The following RCSD1 variants were observed in gnomAD, a reference collection of about 807,000 sequenced individuals.
The protein encoded by RCSD1 is capZ-interacting protein.
RCSD1 carries 26 observed loss-of-function variants against 42.5 expected under a neutral mutation model. The observed-to-expected ratio is 0.61, with a 90% CI of 0.45 to 0.85. The LOEUF is 0.85. Among genes scored for constraint, RCSD1 ranks in the 40% least tolerant of loss-of-function variants. The probability of loss-of-function intolerance (pLI) is 0.00; values close to 1 mark genes in which losing one functional copy is unlikely to be tolerated. For synonymous variants in RCSD1, 220 were observed against 212.2 expected (o/e 1.04, Z -0.32); for missense variants, 571 against 528.3 (o/e 1.08, Z -0.79).
chr1:167,630,492 C>G, intron 1 of RCSD1, 63 bp downstream of exon 1: 1 of 1,473,508 alleles, frequency 6.8e-7, no homozygotes, highest in East Asian at 2.7e-5. Flanking sequence ...CGCCCCTTCC[C>G]CGGGCGGCTG....
intron 1 of RCSD1, among the ~76,000 whole-genome samples, chr1:167,680,427 G>A (rs1659052492): frequency 6.6e-6 from 1 of 151,746 alleles, no homozygotes. Flanking sequence ...GGAGGAGGAA[G>A]AAACCAACCT....
At chr1:167,684,034 G>C (rs1201482958) in intron 2 of RCSD1, 33 bp downstream of exon 2, 9 of 1,554,226 alleles carry the variant, frequency 5.8e-6, no homozygotes, top group Non-Finnish European at 8.0e-6. Context: ...AGCCTCTTCA[G>C]CAGCGGGCAG....
intron 1 of RCSD1, among the ~76,000 whole-genome samples, chr1:167,678,435 C>G (rs1277681065): frequency 6.6e-6 from 1 of 150,430 alleles, no homozygotes; most frequent in African/African-American, 2.5e-5. Context: ...GCAAATACCC[C>G]ATGCATCCCG....
At position 167,697,084 on chromosome 1, in the gene RCSD1, A is replaced by G; in HGVS notation, c.475-15A>G. On this transcript the variant is annotated splice_polypyrimidine_tract_variant and intron_variant, in intron 5 of 6. Transcript: ENST00000367854. ...TATGAGTTTTTGGATAACTTTCCTTAACACTTTCTTCTAGGTGCGGACGAG... is the reference window on the plus strand; with the variant it reads ...TATGAGTTTTTGGATAACTTTCCTTGACACTTTCTTCTAGGTGCGGACGAG... The G allele has an allele frequency of 6.3e-7, 1 of 1,598,734 alleles. No individual in the cohort carries two copies. Among genetic ancestry groups the G allele is most frequent in the Non-Finnish European group, 8.5e-7 (1 of 1,173,150 alleles).
intron 6 of RCSD1, among the ~76,000 whole-genome samples, chr1:167,698,056 T>C (rs1659545348): frequency 6.6e-6 from 1 of 152,218 alleles, no homozygotes; most frequent in Non-Finnish European, 1.5e-5. Flanking sequence ...TCTTCTGCTC[T>C]TGCCAACTTC....
rs775199207 is a variant in RCSD1 at position 167,690,045 on chromosome 1, A to G, written c.199-4A>G. The G allele has an allele frequency of 1.2e-6, 2 of 1,614,074 alleles. No homozygotes were observed. The highest frequency in any genetic ancestry group is 1.1e-5 in the South Asian group (1 of 91,078). ...CTGGTTGTTTTGGTTGATTTGCTCCATAGAAATCACCACCCAATGCGAGCC... is the reference window on the plus strand; with the variant it reads ...CTGGTTGTTTTGGTTGATTTGCTCCGTAGAAATCACCACCCAATGCGAGCC... On this transcript the variant is annotated splice_region_variant and splice_polypyrimidine_tract_variant and intron_variant, in intron 3 of 6. Transcript: ENST00000367854.
Position 167,697,581 on chromosome 1 carries a change from G to T in RCSD1, c.957G>T (p.Gly319=). The change falls in exon 6 of 7, where the codon GGG becomes GGT. Residue 319 remains glycine, a synonymous_variant. Transcript: ENST00000367854. The part of the protein sequence containing the change: ...AEMEKATEVK[G]ERVQNEEVGP... ...TGGAAAAGGCTACAGAGGTGAAGGGGGAGAGGGTGCAAAATGAAGAGGTGG... is the reference window on the plus strand; with the variant it reads ...TGGAAAAGGCTACAGAGGTGAAGGGTGAGAGGGTGCAAAATGAAGAGGTGG... 1 of 1,608,124 alleles carries T rather than the reference G, an allele frequency of 6.2e-7. No homozygotes were observed. Among genetic ancestry groups the T allele is most frequent in the Admixed American group, 1.7e-5 (1 of 59,120 alleles).
At chr1:167,674,476 GAT>G (rs1278330424) in intron 1 of RCSD1, among the ~76,000 whole-genome samples, 1 of 152,118 alleles carries the variant, frequency 6.6e-6, no homozygotes, top group African/African-American at 2.4e-5. Context: ...GTTTTATTGA[GAT>G]ATCGTTTACA....
At chr1:167,704,017 T>TAACTGTAC (rs1659701231) in intron 6 of RCSD1, among the ~76,000 whole-genome samples, 1 of 152,158 alleles carries the variant, frequency 6.6e-6, no homozygotes, top group Non-Finnish European at 1.5e-5. Context: ...GTACTGTGGT[T>TAACTGTAC]ACATTCCCAA....
chr1:167,649,090 G>A (rs1330132397), intron 1 of RCSD1, among the ~76,000 whole-genome samples: 1 of 152,168 alleles, frequency 6.6e-6, no homozygotes, highest in Non-Finnish European at 1.5e-5. Context: ...TATGACCTAG[G>A]TATCTTGCCC....
rs193051955 is a variant in RCSD1, at chr1:167,637,503, G to A, written c.6+7074G>A. Among the ~76,000 whole-genome samples the A allele has an allele frequency of 4.7e-4, 71 of 152,294 alleles. No individual in the cohort carries two copies. The East Asian group carries it at 0.012, about 25-fold the overall frequency. On this transcript the variant is annotated intron_variant, in intron 1 of 6. Coordinates refer to ENST00000367854, the MANE Select transcript of RCSD1 (RefSeq NM_052862.4). ...TCCTGTGCTGGGGATTCCTCCACAA[G>A]TGCTGCTCTTCCCCCACCTCCTGGC...
In RCSD1 at chr1:167,704,709, T is replaced by C; in HGVS notation, c.*13T>C. On this transcript the variant is annotated 3_prime_UTR_variant, in exon 7 of 7. Coordinates refer to ENST00000367854, the MANE Select transcript of RCSD1 (RefSeq NM_052862.4). The stretch of plus-strand genomic sequence containing the variant: ...CACTAAAATGTGAAGAACAGCTCAT[T>C]GTGCCCCAGTGATGAAGTTGCTGGA... 1 of 1,611,998 alleles carries C rather than the reference T, an allele frequency of 6.2e-7. No individual in the cohort carries two copies. The highest frequency in any genetic ancestry group is 1.1e-5 in the South Asian group (1 of 90,854).
At chr1:167,644,987 A>G (rs1202794707) in intron 1 of RCSD1, among the ~76,000 whole-genome samples, 2 of 152,228 alleles carry the variant, frequency 1.3e-5, no homozygotes, top group East Asian at 3.8e-4. Flanking sequence ...ACCTTGCCCA[A>G]AGTATTTTGA....
At chr1:167,654,281 C>A (rs1658375076) in intron 1 of RCSD1, among the ~76,000 whole-genome samples, 1 of 152,118 alleles carries the variant, frequency 6.6e-6, no homozygotes, top group Non-Finnish European at 1.5e-5. Flanking sequence ...TACTGGGGAA[C>A]TTATGGACAG....
At chr1:167,657,233 C>G (rs1363658949) in intron 1 of RCSD1, among the ~76,000 whole-genome samples, 4 of 152,202 alleles carry the variant, frequency 2.6e-5, no homozygotes, top group African/African-American at 9.7e-5. Context: ...GAGATACAAT[C>G]TGTTTATCAC....
chr1:167,640,282 G>C (rs1056395019), intron 1 of RCSD1: 4 of 152,086 alleles, frequency 2.6e-5, no homozygotes, highest in Admixed American at 2.6e-4. Context: ...CCCCACTAAG[G>C]CTCGAGGGGC....
chr1:167,661,324 C>T (rs925673118), intron 1 of RCSD1, among the ~76,000 whole-genome samples: 8 of 152,218 alleles, frequency 5.3e-5, no homozygotes, highest in African/African-American at 1.7e-4. Flanking sequence ...ACTCCACATC[C>T]TCCCCTGGTG....
At chr1:167,670,894 C>G (rs1190297870) in intron 1 of RCSD1, among the ~76,000 whole-genome samples, 1 of 152,184 alleles carries the variant, frequency 6.6e-6, no homozygotes, top group Admixed American at 6.5e-5. Context: ...CCTCCACTAA[C>G]CATACCCCCA....
intron 1 of RCSD1, among the ~76,000 whole-genome samples, chr1:167,662,005 G>A (rs553870809): frequency 3.3e-5 from 5 of 152,278 alleles, no homozygotes; most frequent in African/African-American, 1.2e-4. Flanking sequence ...GAGTCTGGGA[G>A]CCCCCTGAGG....
Sources: gnomAD v4.1 joint callset for allele counts (sites outside exome capture counted in the v4.1 genomes callset) on GRCh38, gnomAD v4.1.1 for gene constraint, MANE v1.5 for transcripts, NCBI Gene and HGNC (gene_info 2026-07-23, HGNC 2026-07-21) for gene names.